Variants in KCTD19 observed in about 807,000 individuals in gnomAD.
The protein encoded by KCTD19 is BTB/POZ domain-containing protein KCTD19.
KCTD19 carries 67 observed loss-of-function variants against 103.5 expected under a neutral mutation model. The observed-to-expected ratio is 0.65, with a 90% CI of 0.53 to 0.79. KCTD19 has a LOEUF of 0.79. Ranked by LOEUF, KCTD19 falls within the 30% of genes least tolerant of loss-of-function variation. The probability of loss-of-function intolerance (pLI) is 0.00; values close to 1 mark genes in which losing one functional copy is unlikely to be tolerated. For missense variants in KCTD19, 980 were observed against 1,136.1 expected, an observed-to-expected ratio of 0.86 and a Z score of 1.98; for synonymous variants, 439 against 452.2, an observed-to-expected ratio of 0.97 and a Z score of 0.37.
At chr16:67,306,859 G>T (rs1175740417) in intron 2 of KCTD19, among the ~76,000 whole-genome samples, 3 of 152,088 alleles carry the variant, frequency 2.0e-5, no homozygotes, top group Non-Finnish European at 4.4e-5. Context: ...ATTACCCATG[G>T]ACTTTTAAAC....
chr16:67,293,541 C>T lies in KCTD19; in HGVS notation c.2218+3G>A. The T allele has an allele frequency of 6.2e-7, 1 of 1,612,618 alleles. No homozygotes were observed. The highest frequency in any genetic ancestry group is 2.2e-5 in the East Asian group (1 of 44,834). ...ACTTAGATCAAAGGGGGACAGGACTCACCTCTCTCCTTGGTCCTCTGCTTG... is the reference window on the plus strand; with the variant it reads ...ACTTAGATCAAAGGGGGACAGGACTTACCTCTCTCCTTGGTCCTCTGCTTG... On this transcript the variant is annotated splice_donor_region_variant and intron_variant, in intron 12 of 15. Coordinates refer to ENST00000304372, the MANE Select transcript of KCTD19 (RefSeq NM_001100915.3). The surrounding 1 kb of genome is among the most constrained non-coding windows in gnomAD (Gnocchi z 4.0).
rs371354193 is a variant in KCTD19, at chr16:67,303,155, G to T, written c.634C>A (p.Arg212Ser). Residue 212 changes from arginine (R) to serine (S), a missense_variant, in exon 4 of 16, where the codon CGC becomes AGC. Physicochemically the swap from Arg to Ser is moderately radical, Grantham distance 110 (BLOSUM62 -1). Transcript: ENST00000304372. This position sits in a 1 kb window ranked among gnomAD's most constrained non-coding sequence, Gnocchi z 4.3. ...CGGACAGAGCAATCACCAATGAAGC[G>T]GAACTCGCTGCACTCGCACTCGATG... ...ALIECECSEFRFIVNFLRSQK... is the reference protein window; with the variant it reads ...ALIECECSEFSFIVNFLRSQK... 2 of 1,607,576 alleles carry T rather than the reference G, an allele frequency of 1.2e-6. No homozygotes were observed. The highest frequency in any genetic ancestry group is 1.7e-6 in the Non-Finnish European group (2 of 1,178,002).
intron 2 of KCTD19, among the ~76,000 whole-genome samples, chr16:67,316,654 A>G (rs2037016144): frequency 6.6e-6 from 1 of 152,244 alleles, no homozygotes; most frequent in African/African-American, 2.4e-5. Flanking sequence ...TCATTATTAC[A>G]CAGGAAGCAC....
chr16:67,291,385 A>T lies in KCTD19; in HGVS notation c.2489T>A (p.Ile830Asn). The T allele has an allele frequency of 6.2e-7, 1 of 1,614,184 alleles. No homozygotes were observed. Among genetic ancestry groups the T allele is most frequent in the Non-Finnish European group, 8.5e-7 (1 of 1,180,024 alleles). The change falls in exon 14 of 16, where the codon ATC becomes AAC. Residue 830 changes from isoleucine (I) to asparagine (N), a missense_variant. Transcript: ENST00000304372. Reference protein sequence around the residue: ...AQKCHCFLADIIMDSIRQKDP... With the variant: ...AQKCHCFLADNIMDSIRQKDP... ...CTTTTGCCTGATGGAATCCATGATG[A>T]TGTCAGCCAGGAAGCAGTGACATTT...
rs2036864022 is a variant in KCTD19, at chr16:67,303,928, T to C, written c.451+493A>G. Among the ~76,000 whole-genome samples, 1 of 152,222 alleles carries C rather than the reference T, an allele frequency of 6.6e-6. No individual in the cohort carries two copies. Among genetic ancestry groups the C allele is most frequent in the African/African-American group, 2.4e-5 (1 of 41,446 alleles). ...ACTTATGTATCCAAAGTCATTAAATTCATTTACCCATTTGATTCTAATTGA... is the reference window on the plus strand; with the variant it reads ...ACTTATGTATCCAAAGTCATTAAATCCATTTACCCATTTGATTCTAATTGA... On this transcript the variant is annotated intron_variant, in intron 3 of 15. Coordinates refer to ENST00000304372, the MANE Select transcript of KCTD19 (RefSeq NM_001100915.3). The surrounding 1 kb of genome is among the most constrained non-coding windows in gnomAD (Gnocchi z 4.3).
At chr16:67,315,285 C>A (rs2036998395) in intron 2 of KCTD19, among the ~76,000 whole-genome samples, 1 of 151,886 alleles carries the variant, frequency 6.6e-6, no homozygotes, top group South Asian at 2.1e-4. Flanking sequence ...ACTATAACCT[C>A]AGGGTATTAG....
chr16:67,303,124 C>T lies in KCTD19; in HGVS notation c.643+22G>A, dbSNP rs1356939796. The T allele has an allele frequency of 1.1e-5, 6 of 531,130 alleles. No homozygotes were observed. Among genetic ancestry groups the T allele is most frequent in the African/African-American group, 2.1e-5 (1 of 47,592 alleles). The allele number at this position is 531,130 out of a possible 1,614,324, so 32.9% of individuals were successfully genotyped here. ...GGGCCCTATCAGCCCGCCCCCCACCCCACCCCGGACAGAGCAATCACCAAT... is the reference window on the plus strand; with the variant it reads ...GGGCCCTATCAGCCCGCCCCCCACCTCACCCCGGACAGAGCAATCACCAAT... On this transcript the variant is annotated intron_variant, in intron 4 of 15. Coordinates refer to ENST00000304372, the MANE Select transcript of KCTD19 (RefSeq NM_001100915.3). The surrounding 1 kb of genome is among the most constrained non-coding windows in gnomAD (Gnocchi z 4.3).
At chr16:67,313,869 T>C (rs1036244665) in intron 2 of KCTD19, among the ~76,000 whole-genome samples, 5 of 152,006 alleles carry the variant, frequency 3.3e-5, no homozygotes, top group African/African-American at 1.2e-4. Flanking sequence ...TTTTTTTTTT[T>C]TTTTAAAGAG....
intron 2 of KCTD19, among the ~76,000 whole-genome samples, chr16:67,319,364 A>C (rs1227584679): frequency 1.3e-5 from 2 of 152,166 alleles, no homozygotes; most frequent in African/African-American, 4.8e-5. Context: ...GATACGCATG[A>C]TCTATCTCAA....
At chr16:67,307,512 C>T (rs1330012916) in intron 2 of KCTD19, among the ~76,000 whole-genome samples, 2 of 150,326 alleles carry the variant, frequency 1.3e-5, no homozygotes, top group African/African-American at 2.5e-5. Flanking sequence ...GGTGGGGTTT[C>T]GCCACATTGC....
chr16:67,301,129 A>T (rs2036828778), intron 5 of KCTD19: 1 of 152,526 alleles, frequency 6.6e-6, no homozygotes, highest in Non-Finnish European at 1.5e-5. Context: ...GCGCCCTATA[A>T]CATGCACAGT....
chr16:67,304,335 C>A, intron 3 of KCTD19, 86 bp downstream of exon 3: 1 of 1,338,770 alleles, frequency 7.5e-7, no homozygotes, highest in Non-Finnish European at 1.1e-6. Flanking sequence ...GCACTCTCTG[C>A]TCTCTGGATG....
chr16:67,312,620 C>T (rs1461650488), intron 2 of KCTD19, among the ~76,000 whole-genome samples: 1 of 152,156 alleles, frequency 6.6e-6, no homozygotes, highest in African/African-American at 2.4e-5. Flanking sequence ...TCAAACTCAA[C>T]ATGTTCAGAT....
At position 67,291,418 on chromosome 16, in the gene KCTD19, T is replaced by C; in HGVS notation, c.2456A>G (p.Tyr819Cys). The C allele has an allele frequency of 6.2e-7, 1 of 1,614,212 alleles. No individual in the cohort carries two copies. The highest frequency in any genetic ancestry group is 1.1e-5 in the South Asian group (1 of 91,088). Residue 819 changes from tyrosine (Y) to cysteine (C), a missense_variant, in exon 14 of 16, where the codon TAT becomes TGT. Transcript: ENST00000304372. ...SFSLSWEEMF[Y>C]AQKCHCFLAD... ...CAGGAAGCAGTGACATTTCTGTGCA[T>C]AAAACATCTCTTCCCAGGACAGAGA...
rs2037101637 is a variant in KCTD19, at chr16:67,323,876, A to G, written c.3+2829T>C. ...GTGAATTGTATGGTATGTGAATTAT[A>G]TCTCAATAGATCTACAAAAAAAAAA... On this transcript the variant is annotated intron_variant, in intron 1 of 15. Transcript: ENST00000304372. This position sits in a 1 kb window ranked among gnomAD's most constrained non-coding sequence, Gnocchi z 4.1. 6.6e-6 allele frequency among the ~76,000 whole-genome samples: 1 copy of G among 151,726 alleles called. No individual in the cohort carries two copies. The highest frequency in any genetic ancestry group is 6.6e-5 in the Admixed American group (1 of 15,204).
At position 67,300,801 on chromosome 16, in the gene KCTD19, T is replaced by G; in HGVS notation, c.775+990A>C. The G allele has an allele frequency of 6.6e-6, 1 of 152,320 alleles. No homozygotes were observed. The highest frequency in any genetic ancestry group is 1.9e-4 in the East Asian group (1 of 5,188). The allele number at this position is 152,320 out of a possible 1,614,324, so 9.4% of individuals were successfully genotyped here. On this transcript the variant is annotated intron_variant, in intron 5 of 15. Coordinates refer to ENST00000304372, the MANE Select transcript of KCTD19 (RefSeq NM_001100915.3). The surrounding 1 kb of genome is among the most constrained non-coding windows in gnomAD (Gnocchi z 4.5). ...GTGGGATTACAGGTGCGTGCCACCA[T>G]GCCCGGCTAATTTTTGTATTTTAGT...
At chr16:67,314,380 A>G (rs2036980553) in intron 2 of KCTD19, among the ~76,000 whole-genome samples, 1 of 151,824 alleles carries the variant, frequency 6.6e-6, no homozygotes, top group Admixed American at 6.6e-5. Context: ...CATCACCACA[A>G]TCTACTTCAA....
intron 1 of KCTD19, among the ~76,000 whole-genome samples, chr16:67,324,575 T>C (rs2142528601): frequency 6.6e-6 from 1 of 152,356 alleles, no homozygotes; most frequent in African/African-American, 2.4e-5. Flanking sequence ...TCTTTCAATC[T>C]TTCTGTGTTT....
chr16:67,297,860 G>A (rs1232741600), intron 6 of KCTD19, among the ~76,000 whole-genome samples, 197 bp from the exon 7 acceptor site: 1 of 152,040 alleles, frequency 6.6e-6, no homozygotes, highest in Non-Finnish European at 1.5e-5. Flanking sequence ...ACGCAATCTT[G>A]GCTCACTGCA....
Sources: gnomAD v4.1 joint callset for allele counts (sites outside exome capture counted in the v4.1 genomes callset) on GRCh38, gnomAD v4.1.1 for gene constraint, Gnocchi (gnomAD v3.1) non-coding constraint, MANE v1.5 for transcripts, NCBI Gene and HGNC (gene_info 2026-07-23, HGNC 2026-07-21) for gene names.